Variants in PLEKHG7 observed in about 807,000 individuals in gnomAD.
PLEKHG7 encodes the protein pleckstrin homology domain-containing family G member 7.
A neutral mutation model predicts 85.2 loss-of-function variants in PLEKHG7; 77 were observed. The ratio of observed to expected loss-of-function variants is 0.90; its 90% CI spans 0.75 to 1.09. The LOEUF is 1.09. Ranked by LOEUF, PLEKHG7 falls within the 50% of genes least tolerant of loss-of-function variation. The pLI is 0.00. For missense variants in PLEKHG7, 777 were observed against 804.3 expected (o/e 0.97, Z 0.41); for synonymous variants, 301 against 302.4 (o/e 1.00, Z 0.05).
chr12:92,720,823 C>A (rs898988340), intron 3 of PLEKHG7, among the ~76,000 whole-genome samples: 1 of 152,108 alleles, frequency 6.6e-6, no homozygotes, highest in African/African-American at 2.4e-5. Flanking sequence ...AACCATTATA[C>A]CCCATTCTTT....
chr12:92,731,723 G>A (rs1215093218), intron 4 of PLEKHG7, among the ~76,000 whole-genome samples: 1 of 152,182 alleles, frequency 6.6e-6, no homozygotes, highest in Non-Finnish European at 1.5e-5. Flanking sequence ...ATGTTTTAAT[G>A]TTCCCTATTT....
intron 10 of PLEKHG7, among the ~76,000 whole-genome samples, chr12:92,750,285 T>C (rs1872656879): frequency 6.6e-6 from 1 of 152,120 alleles, no homozygotes; most frequent in South Asian, 2.1e-4. Context: ...GGAAGTGTTA[T>C]TTGCCTTCCC....
chr12:92,738,049 G>A (rs967410337), intron 7 of PLEKHG7, among the ~76,000 whole-genome samples: 21 of 151,994 alleles, frequency 1.4e-4, no homozygotes, highest in Non-Finnish European at 2.5e-4. Context: ...TTTCTCTCTC[G>A]GAGCTCTTGC....
chr12:92,748,518 G>A (rs1872600805), intron 10 of PLEKHG7, among the ~76,000 whole-genome samples: 2 of 151,706 alleles, frequency 1.3e-5, no homozygotes, highest in Admixed American at 6.6e-5. Context: ...ACAGTGCTGG[G>A]ATTACAGACG....
At chr12:92,715,192 C>G (rs1420766861) in intron 3 of PLEKHG7, among the ~76,000 whole-genome samples, 1 of 152,166 alleles carries the variant, frequency 6.6e-6, no homozygotes, top group Non-Finnish European at 1.5e-5. Context: ...TGTTCGAGGG[C>G]AGGAAGCATC....
intron 5 of PLEKHG7, among the ~76,000 whole-genome samples, chr12:92,733,953 G>A (rs532620446): frequency 2.0e-5 from 3 of 152,272 alleles, no homozygotes; most frequent in South Asian, 2.1e-4. Flanking sequence ...TGTGGGTGGC[G>A]GAGGAAAACA....
intron 13 of PLEKHG7, among the ~76,000 whole-genome samples, chr12:92,761,546 G>A (rs28683812): frequency 7.5e-4 from 73 of 97,630 alleles, no homozygotes; most frequent in South Asian, 6.5e-3. Context: ...AAAAAAAAGA[G>A]AGAAAGAAAG....
intron 3 of PLEKHG7, among the ~76,000 whole-genome samples, chr12:92,717,855 G>T (rs553860758): frequency 6.6e-6 from 1 of 152,284 alleles, no homozygotes; most frequent in East Asian, 1.9e-4. Flanking sequence ...ATTAAGCAAT[G>T]CACACCTGTA....
intron 13 of PLEKHG7, 104 bp from the exon 14 acceptor site, chr12:92,761,634 GAAAGAAAGAAAGAA>G (rs1240445820): frequency 1.1e-5 from 3 of 278,134 alleles, no homozygotes; most frequent in African/African-American, 5.9e-5. Flanking sequence ...AAGAAAGAAA[GAAAGAAAGAAAGAA>G]AGAAAGAAAG....
chr12:92,754,435 G>A (rs1340967809), intron 11 of PLEKHG7, among the ~76,000 whole-genome samples, 171 bp downstream of exon 11: 1 of 152,144 alleles, frequency 6.6e-6, no homozygotes, highest in African/African-American at 2.4e-5. Context: ...AGAACAATGG[G>A]CTCCAGTCAC....
intron 3 of PLEKHG7, among the ~76,000 whole-genome samples, chr12:92,725,530 T>C (rs1871769040): frequency 6.6e-6 from 1 of 152,178 alleles, no homozygotes; most frequent in Admixed American, 6.5e-5. Flanking sequence ...GGCCCTGATC[T>C]GGTGGAGACA....
At chr12:92,734,645 TC>T (rs1303555006) in intron 5 of PLEKHG7, among the ~76,000 whole-genome samples, 1 of 151,886 alleles carries the variant, frequency 6.6e-6, no homozygotes, top group Non-Finnish European at 1.5e-5. Context: ...ACTGTAGGAG[TC>T]CCCATCACCA....
At chr12:92,761,647 A>AAAG (rs1491351558) in intron 13 of PLEKHG7, 105 bp from the exon 14 acceptor site, 31 of 1,034,948 alleles carry the variant, frequency 3.0e-5, no homozygotes, top group Middle Eastern at 2.3e-4. Flanking sequence ...AGAAAGAAAG[A>AAAG]AAGAAAGAAA....
chr12:92,759,791 T>C (rs953790185), intron 13 of PLEKHG7, among the ~76,000 whole-genome samples: 1 of 152,234 alleles, frequency 6.6e-6, no homozygotes, highest in South Asian at 2.1e-4. Context: ...GGTATTTTGC[T>C]ATGGCAGGCT....
chr12:92,727,962 G>GTGTGTA (rs760170614), intron 3 of PLEKHG7, among the ~76,000 whole-genome samples: 13,424 of 96,562 alleles, frequency 0.14, 2,985 homozygotes, highest in East Asian at 0.47. Flanking sequence ...GTGTGTGTGT[G>GTGTGTA]TATATATATA....
intron 14 of PLEKHG7, among the ~76,000 whole-genome samples, chr12:92,763,758 G>C (rs1156567554): frequency 6.6e-6 from 1 of 152,122 alleles, no homozygotes; most frequent in Non-Finnish European, 1.5e-5. Flanking sequence ...GGTTGACACT[G>C]CAGTGAGCTG....
intron 15 of PLEKHG7, among the ~76,000 whole-genome samples, chr12:92,765,089 T>G (rs1377880194): frequency 6.6e-6 from 1 of 152,122 alleles, no homozygotes; most frequent in Non-Finnish European, 1.5e-5. Context: ...GTGAAGAGCA[T>G]AGGACTGACT....
chr12:92,753,464 A>G (rs78192790), intron 10 of PLEKHG7, among the ~76,000 whole-genome samples: 129 of 152,284 alleles, frequency 8.5e-4, no homozygotes, highest in African/African-American at 2.9e-3. Context: ...CTAAATTACT[A>G]AAATTTCTTG....
chr12:92,761,631 A>AAAGAAAGGAAGG (rs1555196587), intron 13 of PLEKHG7, 121 bp from the exon 14 acceptor site: 66 of 155,430 alleles, frequency 4.2e-4, no homozygotes, highest in Non-Finnish European at 5.3e-4. Flanking sequence ...AAGAAGAAAG[A>AAAGAAAGGAAGG]AAGAAAGAAA....
Sources: allele counts gnomAD v4.1 joint callset (sites outside exome capture counted in the v4.1 genomes callset), GRCh38; gene constraint gnomAD v4.1.1; transcripts MANE v1.5; gene names NCBI Gene and HGNC (gene_info 2026-07-23, HGNC 2026-07-21).